MZB1: variants seen among roughly 807,000 people sequenced by gnomAD.
MZB1 encodes the protein marginal zone B and B1 cell specific protein.
In MZB1, 10 loss-of-function variants were observed where a neutral mutation model predicts 17.2. The observed-to-expected ratio is 0.58, with a 90% CI of 0.36 to 0.98. The LOEUF (loss-of-function observed/expected upper bound fraction) is 0.98, where lower values mean the gene tolerates loss of function less well. Ranked by LOEUF, MZB1 falls within the 50% of genes least tolerant of loss-of-function variation. The pLI is 0.01. For synonymous variants in MZB1, 99 were observed against 98.7 expected (o/e 1.00, Z -0.02); for missense variants, 246 against 237.5 (o/e 1.04, Z -0.23).
chr5:139,388,491 A>C lies in MZB1; in HGVS notation c.272T>G (p.Leu91Arg). 1.2e-6 allele frequency: 2 copies of C among 1,605,796 alleles called. No homozygotes were observed. Among genetic ancestry groups the C allele is most frequent in the Non-Finnish European group, 1.7e-6 (2 of 1,176,332 alleles). ...CCAGTTCCGGGAGCAGCTCCGGTCC[A>C]GGACATCCGTGTAGACCAACTCGCT... is the stretch of plus-strand genomic sequence containing the variant. ...ELSELVYTDV[L>R]DRSCSRNWQD... Residue 91 changes from leucine to arginine, a missense_variant, in exon 2 of 4, where the codon CTG (leucine) becomes CGG (arginine). Leu to Arg is a moderately radical substitution (Grantham distance 102). Transcript: ENST00000302125.
In MZB1 at chr5:139,387,856, T is replaced by A; in HGVS notation, c.479A>T (p.Gln160Leu). Residue 160 changes from glutamine to leucine, a missense_variant, in exon 4 of 4, where the codon CAA becomes CTA. Gln to Leu is a moderately radical substitution (Grantham distance 113). Coordinates refer to ENST00000302125, the MANE Select transcript of MZB1 (RefSeq NM_016459.4). ...TGCCTCCAGAGCCCCTCGGCCTTGT[T>A]GGTGGGCTTCATAGATCTGGTCTTC... is the stretch of plus-strand genomic sequence containing the variant. ...FGEDQIYEAH[Q>L]QGRGALEALL... 6.2e-7 allele frequency: 1 copy of A among 1,607,004 alleles called. No homozygotes were observed. Among genetic ancestry groups the A allele is most frequent in the Admixed American group, 1.7e-5 (1 of 58,210 alleles).
Position 139,388,011 on chromosome 5 carries a change from C to A in MZB1, c.413+10G>T. On this transcript the variant is annotated intron_variant, in intron 3 of 3. Coordinates refer to ENST00000302125, the MANE Select transcript of MZB1 (RefSeq NM_016459.4). ...GGAGCTTCATCCTATCCCCAAGCCC[C>A]GGGCATCACCTGGTAGGCCAGGGGC... is the stretch of plus-strand genomic sequence containing the variant. The A allele has an allele frequency of 6.4e-7, 1 of 1,564,158 alleles. No individual in the cohort carries two copies. Among genetic ancestry groups the A allele is most frequent in the East Asian group, 2.4e-5 (1 of 41,882 alleles).
chr5:139,389,391 T>G, intron 1 of MZB1: 3 of 615,204 alleles, frequency 4.9e-6, no homozygotes, highest in Non-Finnish European at 6.1e-6. Flanking sequence ...CCGTCAGGGT[T>G]GGGGAGGGAG....
At position 139,387,831 on chromosome 5, in the gene MZB1, T is replaced by G; in HGVS notation, c.504A>C (p.Ala168=). 2 of 1,600,958 alleles carry G rather than the reference T, an allele frequency of 1.2e-6. No individual in the cohort carries two copies. Among genetic ancestry groups the G allele is most frequent in the Non-Finnish European group, 1.7e-6 (2 of 1,175,176 alleles). ...CCCCCTGGGGTCCCCCACATAGCAA[T>G]GCCTCCAGAGCCCCTCGGCCTTGTT... ...AHQQGRGALE[A]LLCGGPQGAC... Residue 168 remains alanine (A), a synonymous_variant, in exon 4 of 4, where the codon GCA becomes GCC. Coordinates refer to ENST00000302125, the MANE Select transcript of MZB1 (RefSeq NM_016459.4).
At position 139,388,499 on chromosome 5, in the gene MZB1, C is replaced by T. The variant is rs199549807; in HGVS notation, c.264G>A (p.Thr88=). Residue 88 remains threonine (T), a synonymous_variant, in exon 2 of 4, where the codon ACG becomes ACA. Transcript: ENST00000302125. ...GRRELSELVY[T]DVLDRSCSRN... is the part of the protein sequence containing the mutation. ...GGGAGCAGCTCCGGTCCAGGACATC[C>T]GTGTAGACCAACTCGCTCAGCTCCC... 1.7e-5 allele frequency: 27 copies of T among 1,605,620 alleles called. No individual in the cohort carries two copies. The highest frequency in any genetic ancestry group is 1.1e-4 in the South Asian group (10 of 89,278).
rs1467516349 is a variant in MZB1 at position 139,388,496 on chromosome 5, A to G, written c.267T>C (p.Asp89=). The G allele has an allele frequency of 6.2e-7, 1 of 1,605,924 alleles. No individual in the cohort carries two copies. Among genetic ancestry groups the G allele is most frequent in the Non-Finnish European group, 8.5e-7 (1 of 1,176,342 alleles). ...TCCGGGAGCAGCTCCGGTCCAGGACATCCGTGTAGACCAACTCGCTCAGCT... is the reference window on the plus strand; with the variant it reads ...TCCGGGAGCAGCTCCGGTCCAGGACGTCCGTGTAGACCAACTCGCTCAGCT... ...RRELSELVYT[D]VLDRSCSRNW... Residue 89 remains aspartate (D), a synonymous_variant, in exon 2 of 4, where the codon GAT becomes GAC. Transcript: ENST00000302125.
rs773302867 is a variant in MZB1 at position 139,387,842 on chromosome 5, C to A, written c.493G>T (p.Ala165Ser). The change falls in exon 4 of 4, where the codon GCT becomes TCT. Residue 165 changes from alanine (A) to serine (S), a missense_variant. Transcript: ENST00000302125. ...IYEAHQQGRG[A>S]LEALLCGGPQ... ...CCCCCACATAGCAATGCCTCCAGAG[C>A]CCCTCGGCCTTGTTGGTGGGCTTCA... 18 of 1,605,160 alleles carry A rather than the reference C, an allele frequency of 1.1e-5. No individual in the cohort carries two copies. Among genetic ancestry groups the A allele is most frequent in the Non-Finnish European group, 9.3e-6 (11 of 1,176,544 alleles).
intron 3 of MZB1, 41 bp downstream of exon 3, chr5:139,387,980 G>T (rs1259934810): frequency 6.4e-7 from 1 of 1,573,714 alleles, no homozygotes. Context: ...GCAAACCAAG[G>T]CTCCAGGAGC....
rs1758581686 is a variant in MZB1 at position 139,389,891 on chromosome 5, G to C, written c.-35C>G. On this transcript the variant is annotated 5_prime_UTR_variant, in exon 1 of 4. Transcript: ENST00000302125. ...AGCCAGTTCAGCAAGTGTAGTCTGT[G>C]GTTGAGGTGCAGATGTGTGTGTGCT... 6.5e-7 allele frequency: 1 copy of C among 1,531,000 alleles called. No individual in the cohort carries two copies. Among genetic ancestry groups the C allele is most frequent in the Non-Finnish European group, 8.7e-7 (1 of 1,143,090 alleles). The allele number at this position is 1,531,000 out of a possible 1,614,324, so 94.8% of individuals were successfully genotyped here.
chr5:139,388,077 G>A lies in MZB1; in HGVS notation c.357C>T (p.Ser119=), dbSNP rs117800198. The part of the protein sequence containing the change: ...QVKRLTGPGL[S]EGPEPSISVM... ...CGCTGATGCTTGGCTCTGGCCCCTC[G>A]CTAAGTCCTGGGCCTGTGAGACGTT... The change falls in exon 3 of 4, where the codon AGC becomes AGT. Residue 119 remains serine (S), a synonymous_variant. Coordinates refer to ENST00000302125, the MANE Select transcript of MZB1 (RefSeq NM_016459.4). 5.5e-4 allele frequency: 850 copies of A among 1,553,102 alleles called. 11 individuals are homozygous for A. In the East Asian group the frequency reaches 0.018, roughly 33 times the overall value.
intron 1 of MZB1, 42 bp downstream of exon 1, chr5:139,389,638 A>T: frequency 6.4e-7 from 1 of 1,558,416 alleles, no homozygotes; most frequent in East Asian, 2.3e-5. Context: ...TGGCTTGAGA[A>T]GGGGTGTGAG....
chr5:139,389,642 G>T (rs772889509), intron 1 of MZB1, 38 bp downstream of exon 1: 11 of 1,564,064 alleles, frequency 7.0e-6, no homozygotes, highest in Non-Finnish European at 8.7e-6. Flanking sequence ...TTGAGAAGGG[G>T]TGTGAGCAGG....
At position 139,388,107 on chromosome 5, in the gene MZB1, T is replaced by C; in HGVS notation, c.327A>G (p.Gln109=). Residue 109 remains glutamine (Q), a synonymous_variant, in exon 3 of 4, where the codon CAA becomes CAG. Coordinates refer to ENST00000302125, the MANE Select transcript of MZB1 (RefSeq NM_016459.4). The stretch of plus-strand genomic sequence containing the variant: ...GTCCTGGGCCTGTGAGACGTTTCAC[T>C]TGGTCCACTTCTCGAACTCCGTAGC... ...WQDYGVREVD[Q]VKRLTGPGLS... is the part of the protein sequence containing the mutation. 6.4e-7 allele frequency: 1 copy of C among 1,551,478 alleles called. No individual in the cohort carries two copies. The highest frequency in any genetic ancestry group is 8.7e-7 in the Non-Finnish European group (1 of 1,147,366).
chr5:139,388,374 T>G, intron 2 of MZB1, 87 bp downstream of exon 2: 5 of 1,364,216 alleles, frequency 3.7e-6, no homozygotes, highest in Non-Finnish European at 5.1e-6. Context: ...GAGGAGTGTG[T>G]GTGTTGTGTG....
In MZB1 at chr5:139,388,020, C is replaced by A; in HGVS notation, c.413+1G>T. 6.4e-7 allele frequency: 1 copy of A among 1,561,514 alleles called. No homozygotes were observed. Among genetic ancestry groups the A allele is most frequent in the Non-Finnish European group, 8.7e-7 (1 of 1,152,612 alleles). ...TCCTATCCCCAAGCCCCGGGCATCA[C>A]CTGGTAGGCCAGGGGCCCCCTGTGA... On this transcript the variant is annotated splice_donor_variant, in intron 3 of 3. Transcript: ENST00000302125. LOFTEE classifies it high-confidence loss of function.
chr5:139,389,644 G>T, intron 1 of MZB1, 36 bp downstream of exon 1: 1 of 1,565,844 alleles, frequency 6.4e-7, no homozygotes. Flanking sequence ...GAGAAGGGGT[G>T]TGAGCAGGGC....
In MZB1 at chr5:139,387,591, G is replaced by T; in HGVS notation, c.*174C>A. The T allele has an allele frequency of 1.6e-6, 1 of 609,432 alleles. No individual in the cohort carries two copies. The highest frequency in any genetic ancestry group is 2.5e-6 in the Non-Finnish European group (1 of 402,718). 37.8% of individuals were successfully genotyped at this position (609,432 alleles called of 1,614,324 possible). A position where few individuals can be genotyped will look rare whatever the true frequency, so the allele number is the denominator to read the frequency against. ...AGTGAGGTCACTGGGTTTTATTTGA[G>T]TCCAGAGGGGAAGGCGTTGACTCCC... On this transcript the variant is annotated 3_prime_UTR_variant, in exon 4 of 4. Transcript: ENST00000302125.
rs1758545943 is a variant in MZB1 at position 139,388,139 on chromosome 5, C to T, written c.303-8G>A. The T allele has an allele frequency of 6.5e-7, 1 of 1,549,574 alleles. No individual in the cohort carries two copies. Among genetic ancestry groups the T allele is most frequent in the Non-Finnish European group, 8.7e-7 (1 of 1,146,596 alleles). On this transcript the variant is annotated splice_region_variant and splice_polypyrimidine_tract_variant and intron_variant, in intron 2 of 3. Coordinates refer to ENST00000302125, the MANE Select transcript of MZB1 (RefSeq NM_016459.4). ...ACTTCTCGAACTCCGTAGCTGGTGG[C>T]AGTGGAGAGGAGAGGAGTACAGTTT...
At chr5:139,389,547 G>T (rs1199074138) in intron 1 of MZB1, 133 bp downstream of exon 1, 13 of 1,084,238 alleles carry the variant, frequency 1.2e-5, no homozygotes, top group Non-Finnish European at 1.6e-5. Flanking sequence ...TATATGAAAG[G>T]CTGCATCTGT....
Sources: gnomAD v4.1 joint callset for allele counts on GRCh38, gnomAD v4.1.1 for gene constraint, MANE v1.5 for transcripts, NCBI Gene and HGNC (gene_info 2026-07-23, HGNC 2026-07-21) for gene names.